DNAH6: variants seen among roughly 807,000 people sequenced by gnomAD.
DNAH6 encodes dynein axonemal heavy chain 6, also known as axonemal beta dynein heavy chain 6.
In DNAH6, 340 loss-of-function variants were observed where a neutral mutation model predicts 491.4. That is an observed-to-expected ratio of 0.69 (90% confidence interval 0.63 to 0.76). The LOEUF (loss-of-function observed/expected upper bound fraction) is 0.76. Among genes scored for constraint, DNAH6 ranks in the 30% least tolerant of loss-of-function variants. DNAH6 has a pLI of 0.00. For synonymous variants in DNAH6, 1,603 were observed against 1,686.1 expected, an observed-to-expected ratio of 0.95 and a Z score of 1.21; for missense variants, 4,443 against 4,972.2, an observed-to-expected ratio of 0.89 and a Z score of 3.20.
At chr2:84,705,350 A>G (rs1174331486) in intron 51 of DNAH6, 136 bp from the exon 52 acceptor site, 5 of 894,634 alleles carry the variant, frequency 5.6e-6, no homozygotes, top group East Asian at 2.7e-5. Context: ...CTAACTACCA[A>G]TTACTAAAAT....
the DNAH6 span, among the ~76,000 whole-genome samples, chr2:84,480,733 C>T: frequency 1.3e-5 from 2 of 152,138 alleles, no homozygotes; most frequent in African/African-American, 2.4e-5. Context: ...GAGGCCAAGG[C>T]GGGTGGATCA....
chr2:84,606,974 A>G lies in DNAH6; in HGVS notation c.3175-2A>G. The G allele has an allele frequency of 6.5e-7, 1 of 1,549,666 alleles. No homozygotes were observed. The highest frequency in any genetic ancestry group is 8.7e-7 in the Non-Finnish European group (1 of 1,145,468). ...ATGTATTTTCTTCCCCTTCCTTTAAAGGTCCTTCTTGATGATAGCACCATC... is the reference window on the plus strand; with the variant it reads ...ATGTATTTTCTTCCCCTTCCTTTAAGGGTCCTTCTTGATGATAGCACCATC... On this transcript the variant is annotated splice_acceptor_variant, in intron 20 of 76. Coordinates refer to ENST00000389394, the MANE Select transcript of DNAH6 (RefSeq NM_001370.2). LOFTEE classifies it high-confidence loss of function.
At chr2:84,744,137 A>C (rs1342386736) in intron 62 of DNAH6, among the ~76,000 whole-genome samples, 1 of 152,186 alleles carries the variant, frequency 6.6e-6, no homozygotes, top group Non-Finnish European at 1.5e-5. Context: ...AAGTGTCACT[A>C]AATTTTTGTG....
intron 72 of DNAH6, among the ~76,000 whole-genome samples, chr2:84,810,280 G>A (rs970729217): frequency 1.3e-5 from 2 of 152,026 alleles, no homozygotes; most frequent in South Asian, 2.1e-4. Context: ...TGTTACACTC[G>A]TCATCTTTGT....
intron 5 of DNAH6, 79 bp from the exon 6 acceptor site, chr2:84,547,189 T>C: frequency 8.1e-7 from 1 of 1,237,370 alleles, no homozygotes; most frequent in Non-Finnish European, 1.1e-6. Context: ...CCTTAATAAC[T>C]ATTCTTGCTT....
At chr2:84,559,575 T>G (rs1359281499) in intron 11 of DNAH6, among the ~76,000 whole-genome samples, 2 of 152,084 alleles carry the variant, frequency 1.3e-5, no homozygotes, top group Admixed American at 1.3e-4. Context: ...TGAGAGTATA[T>G]CCAACTCTTT....
chr2:84,468,712 C>T, the DNAH6 span, among the ~76,000 whole-genome samples: 1 of 152,190 alleles, frequency 6.6e-6, no homozygotes, highest in Non-Finnish European at 1.5e-5. Context: ...TAGTGAGCTA[C>T]AGCATGGGGC....
In DNAH6 at chr2:84,544,479, A is replaced by G; in HGVS notation, c.909A>G (p.Lys303=). The change falls in exon 5 of 77, where the codon AAA becomes AAG. Residue 303 remains lysine, a synonymous_variant. Transcript: ENST00000389394. ...KITGCQKSLQ[K]NLFIVNPHLR... ...CTGGATGTCAAAAATCTCTACAAAA[A>G]AATTTGTTCATTGTTAATCCTGTAT... 1 of 1,493,048 alleles carries G rather than the reference A, an allele frequency of 6.7e-7. No individual in the cohort carries two copies. Among genetic ancestry groups the G allele is most frequent in the Non-Finnish European group, 9.1e-7 (1 of 1,094,508 alleles). 92.5% of individuals were successfully genotyped at this position (1,493,048 alleles called of 1,614,324 possible). A position where few individuals can be genotyped will look rare whatever the true frequency, so the allele number is the denominator to read the frequency against.
intron 11 of DNAH6, among the ~76,000 whole-genome samples, chr2:84,570,831 G>T (rs952718466): frequency 3.3e-5 from 5 of 152,156 alleles, no homozygotes; most frequent in South Asian, 4.1e-4. Flanking sequence ...AATAAATGTT[G>T]CTGCTGCTCA....
At chr2:84,556,259 C>T (rs956584664) in intron 10 of DNAH6, among the ~76,000 whole-genome samples, 1 of 152,176 alleles carries the variant, frequency 6.6e-6, no homozygotes, top group African/African-American at 2.4e-5. Context: ...ACCCTTTATC[C>T]TCTGGGTAGT....
chr2:84,751,701 T>G (rs1409693757), intron 63 of DNAH6, among the ~76,000 whole-genome samples: 2 of 152,204 alleles, frequency 1.3e-5, no homozygotes, highest in Non-Finnish European at 2.9e-5. Flanking sequence ...AGAGAATAAT[T>G]CATCACCACA....
intron 37 of DNAH6, among the ~76,000 whole-genome samples, chr2:84,666,807 A>G (rs553415492): frequency 7.5e-4 from 114 of 152,322 alleles, no homozygotes; most frequent in African/African-American, 2.6e-3. Context: ...CCTAAGCCAA[A>G]GGAACAAAGC....
chr2:84,560,631 CCCAGAG>C (rs1680568814), intron 11 of DNAH6, among the ~76,000 whole-genome samples: 1 of 151,608 alleles, frequency 6.6e-6, no homozygotes, highest in Admixed American at 6.6e-5. Flanking sequence ...CACAACAGTC[CCCAGAG>C]TGTGATGTTC....
intron 2 of DNAH6, 31 bp from the exon 3 acceptor site, chr2:84,525,534 A>C (rs779374878): frequency 4.0e-5 from 61 of 1,517,352 alleles, no homozygotes; most frequent in Non-Finnish European, 5.2e-5. Context: ...GAATGTTAAT[A>C]AAAATTAACA....
Position 84,706,762 on chromosome 2 carries a change from TTATG to T in DNAH6, c.8728-130_8728-127del, listed in dbSNP as rs1696487895. On this transcript the variant is annotated intron_variant, in intron 52 of 76. Coordinates refer to ENST00000389394, the MANE Select transcript of DNAH6 (RefSeq NM_001370.2). ...ACTCTAATTTATATTTGTTTTAACTTTATGTATCACATCAAAGTCTTTTTGGACA... is the reference window on the plus strand; with the variant it reads ...ACTCTAATTTATATTTGTTTTAACTTTATCACATCAAAGTCTTTTTGGACA... 1.1e-5 allele frequency: 11 copies of T among 992,412 alleles called. No individual in the cohort carries two copies. In the South Asian group the frequency reaches 1.9e-4, roughly 17 times the overall value. 61.5% of individuals were successfully genotyped at this position (992,412 alleles called of 1,614,324 possible).
At chr2:84,741,374 T>A (rs143516765) in intron 62 of DNAH6, among the ~76,000 whole-genome samples, 272 of 152,230 alleles carry the variant, frequency 1.8e-3, no homozygotes, top group Non-Finnish European at 2.1e-3. Flanking sequence ...CACAGCAGCC[T>A]GCTACAGAGC....
At position 84,810,562 on chromosome 2, in the gene DNAH6, T is replaced by A. The variant is rs548761809; in HGVS notation, c.11740-1779T>A. On this transcript the variant is annotated intron_variant, in intron 72 of 76. Coordinates refer to ENST00000389394, the MANE Select transcript of DNAH6 (RefSeq NM_001370.2). ...TGCCAGAGGCCTTCCTCACCTGACC[T>A]CTAGTCCTAGACCTCAGGCCTGGTC... is the stretch of plus-strand genomic sequence containing the variant. 3.8e-3 allele frequency among the ~76,000 whole-genome samples: 582 copies of A among 152,312 alleles called. 1 individual carries two copies. The highest frequency in any genetic ancestry group is 0.013 in the African/African-American group (530 of 41,568).
At chr2:84,520,856 AG>A (rs998324151) in intron 2 of DNAH6, among the ~76,000 whole-genome samples, 15 of 152,108 alleles carry the variant, frequency 9.9e-5, no homozygotes, top group African/African-American at 3.6e-4. Flanking sequence ...TATTGTGAAT[AG>A]TGCTGCAATG....
chr2:84,662,233 C>A, intron 37 of DNAH6, among the ~76,000 whole-genome samples: 1 of 152,206 alleles, frequency 6.6e-6, no homozygotes, highest in Middle Eastern at 3.4e-3. Context: ...TCTGCATTTC[C>A]AACTGAGGTA....
Sources: allele counts gnomAD v4.1 joint callset (sites outside exome capture counted in the v4.1 genomes callset), GRCh38; gene constraint gnomAD v4.1.1; transcripts MANE v1.5; gene names NCBI Gene and HGNC (gene_info 2026-07-23, HGNC 2026-07-21).